SLC25A17: variants seen among roughly 807,000 people sequenced by gnomAD.
The protein encoded by SLC25A17 is solute carrier family 25 member 17, also known as peroxisomal membrane protein PMP34.
A neutral mutation model predicts 38.5 loss-of-function variants in SLC25A17; 26 were observed. The observed-to-expected ratio is 0.68, with a 90% CI of 0.50 to 0.94. The LOEUF (loss-of-function observed/expected upper bound fraction) is 0.94. Among genes scored for constraint, SLC25A17 ranks in the 40% least tolerant of loss-of-function variants. The probability of loss-of-function intolerance (pLI) is 0.00; values close to 1 mark genes in which losing one functional copy is unlikely to be tolerated. For synonymous variants in SLC25A17, 139 were observed against 136.2 expected, an observed-to-expected ratio of 1.02 and a Z score of -0.14; for missense variants, 333 against 372.7, an observed-to-expected ratio of 0.89 and a Z score of 0.88.
chr22:40,777,241 T>C lies in SLC25A17; in HGVS notation c.584A>G (p.Lys195Arg), dbSNP rs753200401. The change falls in exon 6 of 9, where the codon AAG becomes AGG. Residue 195 changes from lysine (K) to arginine (R), a missense_variant. By Grantham distance (26) the Lys-to-Arg change is conservative. Coordinates refer to ENST00000435456, the MANE Select transcript of SLC25A17 (RefSeq NM_006358.4). ...FYEGLKRQLL[K>R]KRMKLSSLDV... ...ATCAAGGATTACCTTCATCCGTTTC[T>C]TTAAAAGCTGCCGTTTTAAACCTTC... The C allele has an allele frequency of 1.2e-6, 2 of 1,614,086 alleles. No homozygotes were observed. The highest frequency in any genetic ancestry group is 1.1e-5 in the South Asian group (1 of 91,084).
In SLC25A17 at chr22:40,819,271, A is replaced by G; in HGVS notation, c.-23T>C. ...CATTGGTGCGGCTCCTCGAAGACCC[A>G]GCCACACTTTTCCCACAGATGCCGC... On this transcript the variant is annotated 5_prime_UTR_variant, in exon 1 of 9. Coordinates refer to ENST00000435456, the MANE Select transcript of SLC25A17 (RefSeq NM_006358.4). 1.2e-6 allele frequency: 2 copies of G among 1,613,584 alleles called. No homozygotes were observed. Among genetic ancestry groups the G allele is most frequent in the Non-Finnish European group, 1.7e-6 (2 of 1,179,742 alleles).
chr22:40,786,648 A>G (rs1268053349), intron 4 of SLC25A17, among the ~76,000 whole-genome samples: 1 of 152,256 alleles, frequency 6.6e-6, no homozygotes, highest in Non-Finnish European at 1.5e-5. Context: ...TATAGATACA[A>G]CTACCCTCTT....
intron 2 of SLC25A17, among the ~76,000 whole-genome samples, chr22:40,798,603 T>C (rs1255108854): frequency 1.5e-5 from 2 of 134,052 alleles, no homozygotes; most frequent in Non-Finnish European, 3.1e-5. Context: ...ATTTTCTCAG[T>C]CAAAACTTGT....
rs1386303311 is a variant in SLC25A17 at position 40,817,794 on chromosome 22, G to C, written c.54+1401C>G. The stretch of plus-strand genomic sequence containing the variant: ...AGTTCAACAGCTAGCCAGAGTGAAA[G>C]TCTCACACAATTTGGCCCCCTGAAA... On this transcript the variant is annotated intron_variant, in intron 1 of 8. Coordinates refer to ENST00000435456, the MANE Select transcript of SLC25A17 (RefSeq NM_006358.4). 3.3e-5 allele frequency among the ~76,000 whole-genome samples: 5 copies of C among 152,260 alleles called. No individual in the cohort carries two copies. The East Asian group carries it at 9.7e-4, about 29-fold the overall frequency.
chr22:40,779,601 A>G (rs557709084), intron 4 of SLC25A17: 26 of 187,566 alleles, frequency 1.4e-4, no homozygotes, highest in Admixed American at 1.1e-3. Context: ...GAGTGACAGG[A>G]GGGGGAAAGG....
chr22:40,778,862 A>G (rs569531425), intron 5 of SLC25A17, 147 bp downstream of exon 5: 2 of 664,864 alleles, frequency 3.0e-6, no homozygotes, highest in Admixed American at 2.9e-5. Flanking sequence ...TCAACAAAGA[A>G]CTTAAACAAA....
chr22:40,794,247 C>T (rs1158779457), intron 3 of SLC25A17, among the ~76,000 whole-genome samples: 4 of 151,782 alleles, frequency 2.6e-5, no homozygotes, highest in Admixed American at 2.6e-4. Context: ...GTATATAAAA[C>T]AATGCATTTT....
chr22:40,809,343 C>CA (rs1400212804), intron 1 of SLC25A17, among the ~76,000 whole-genome samples: 3 of 151,610 alleles, frequency 2.0e-5, no homozygotes, highest in Non-Finnish European at 4.4e-5. Flanking sequence ...AACAAACAAA[C>CA]AAAAAGGCTC....
chr22:40,793,998 G>A (rs2057405977), intron 3 of SLC25A17, among the ~76,000 whole-genome samples: 1 of 152,186 alleles, frequency 6.6e-6, no homozygotes, highest in African/African-American at 2.4e-5. Context: ...TGTGTAAGGA[G>A]AGAAGGGAGG....
At chr22:40,795,072 T>A (rs1223588059) in intron 2 of SLC25A17, among the ~76,000 whole-genome samples, 1 of 151,194 alleles carries the variant, frequency 6.6e-6, no homozygotes, top group African/African-American at 2.4e-5. Context: ...TTAAACTAAA[T>A]CCTTTGAGGA....
chr22:40,802,222 G>A (rs750559622), intron 1 of SLC25A17, among the ~76,000 whole-genome samples: 3 of 152,146 alleles, frequency 2.0e-5, no homozygotes, highest in Non-Finnish European at 2.9e-5. Flanking sequence ...AAATAGACAC[G>A]TGAAGGTTCC....
At chr22:40,793,694 C>T (rs565389581) in intron 3 of SLC25A17, among the ~76,000 whole-genome samples, 8 of 152,122 alleles carry the variant, frequency 5.3e-5, no homozygotes, top group South Asian at 2.1e-4. Flanking sequence ...CTCACCGCAA[C>T]CTCCACCTCC....
intron 4 of SLC25A17, among the ~76,000 whole-genome samples, chr22:40,790,675 G>A (rs971277894): frequency 1.3e-5 from 2 of 152,180 alleles, no homozygotes; most frequent in Admixed American, 1.3e-4. Context: ...TGGGTAATGG[G>A]ATGGCAGACA....
Position 40,783,322 on chromosome 22 carries a change from C to T in SLC25A17, c.335-4197G>A, listed in dbSNP as rs186968485. On this transcript the variant is annotated intron_variant, in intron 4 of 8. Coordinates refer to ENST00000435456, the MANE Select transcript of SLC25A17 (RefSeq NM_006358.4). ...GTAGGATGATTAGCAGTCTCCCTGG[C>T]CTCTACCCACTAGATGCCACATTTG... 3.2e-3 allele frequency among the ~76,000 whole-genome samples: 481 copies of T among 152,238 alleles called. 15 individuals are homozygous for T. Among genetic ancestry groups the T allele is most frequent in the Admixed American group, 0.028 (430 of 15,284 alleles).
At chr22:40,803,344 T>G (rs555506335) in intron 1 of SLC25A17, among the ~76,000 whole-genome samples, 2 of 152,166 alleles carry the variant, frequency 1.3e-5, no homozygotes, top group Non-Finnish European at 2.9e-5. Flanking sequence ...TAACCACTAT[T>G]CTACTCTCTA....
At chr22:40,810,829 T>G (rs1172351868) in intron 1 of SLC25A17, among the ~76,000 whole-genome samples, 2 of 152,244 alleles carry the variant, frequency 1.3e-5, no homozygotes, top group Non-Finnish European at 2.9e-5. Context: ...CATCTCCATA[T>G]AATAATATAC....
At chr22:40,803,003 C>T (rs1026810127) in intron 1 of SLC25A17, among the ~76,000 whole-genome samples, 1 of 152,188 alleles carries the variant, frequency 6.6e-6, no homozygotes, top group Non-Finnish European at 1.5e-5. Context: ...CTTTAAACAT[C>T]ATTTCTTTGT....
rs910824046 is a variant in SLC25A17 at position 40,790,460 on chromosome 22, G to GA, written c.334+2064dup. On this transcript the variant is annotated intron_variant, in intron 4 of 8. Transcript: ENST00000435456. ...AACTGACTTTTTAAAATTGAGCCCT[G>GA]AAAAAAAAAAGAAAAAAATTGTTCA... Among the ~76,000 whole-genome samples, 261 of 137,360 alleles carry GA rather than the reference G, an allele frequency of 1.9e-3. 1 individual carries two copies. The highest frequency in any genetic ancestry group is 0.015 in the Middle Eastern group (4 of 272). 90.1% of individuals were successfully genotyped at this position (137,360 alleles called of 152,430 possible).
chr22:40,794,215 A>G (rs904996147), intron 3 of SLC25A17, among the ~76,000 whole-genome samples: 1 of 152,132 alleles, frequency 6.6e-6, no homozygotes, highest in Non-Finnish European at 1.5e-5. Context: ...CTAAACAACT[A>G]TTATTTTTTT....
Sources: allele counts gnomAD v4.1 joint callset (sites outside exome capture counted in the v4.1 genomes callset), GRCh38; gene constraint gnomAD v4.1.1; transcripts MANE v1.5; gene names NCBI Gene and HGNC (gene_info 2026-07-23, HGNC 2026-07-21).